SEMA3A: variants seen among roughly 807,000 people sequenced by gnomAD.
The protein encoded by SEMA3A is semaphorin-3A.
In SEMA3A, 29 loss-of-function variants were observed where a neutral mutation model predicts 97.9. That is an observed-to-expected ratio of 0.30 (90% CI 0.22 to 0.40). The LOEUF (loss-of-function observed/expected upper bound fraction) is 0.40. Among genes scored for constraint, SEMA3A ranks in the 10% least tolerant of loss-of-function variants. The probability of loss-of-function intolerance (pLI) is 1.00; values close to 1 mark genes in which losing one functional copy is unlikely to be tolerated. For synonymous variants in SEMA3A, 321 were observed against 323.7 expected (o/e 0.99, Z 0.09); for missense variants, 763 against 951.3 (o/e 0.80, Z 2.60).
Position 83,988,939 on chromosome 7 carries a change from G to T in SEMA3A, c.1453-3462C>A, listed in dbSNP as rs545337363. On this transcript the variant is annotated intron_variant, in intron 12 of 16. Transcript: ENST00000265362. ...GTGGTGCGATCTCGGCTCACTGCAG[G>T]ATCCGCACCCCCCCGATATTCAGCT... Among the ~76,000 whole-genome samples, 8 of 149,660 alleles carry T rather than the reference G, an allele frequency of 5.3e-5. No individual in the cohort carries two copies. The South Asian group carries it at 1.5e-3, about 28-fold the overall frequency.
chr7:84,047,547 C>G (rs1792402805), intron 5 of SEMA3A, among the ~76,000 whole-genome samples: 1 of 151,932 alleles, frequency 6.6e-6, no homozygotes, highest in East Asian at 1.9e-4. Flanking sequence ...GTAAAAATTA[C>G]TCTTTCTTTC....
chr7:84,005,244 G>A (rs1021807018), intron 11 of SEMA3A, 95 bp downstream of exon 11: 20 of 876,468 alleles, frequency 2.3e-5, no homozygotes, highest in Non-Finnish European at 3.6e-5. Flanking sequence ...TGCACAGAGG[G>A]TTGGCATCCC....
Position 83,961,212 on chromosome 7 carries a change from C to A in SEMA3A, c.*159G>T, listed in dbSNP as rs1424301158. 1.5e-6 allele frequency: 1 copy of A among 648,586 alleles called. No individual in the cohort carries two copies. The highest frequency in any genetic ancestry group is 1.8e-5 in the African/African-American group (1 of 54,710). 40.2% of individuals were successfully genotyped at this position (648,586 alleles called of 1,614,324 possible). A position where few individuals can be genotyped will look rare whatever the true frequency, so the allele number is the denominator to read the frequency against. ...AAAAAAGCCTATTAGGAAAGTTACT[C>A]ATGGATTTAATTTATAATTGGTGGA... On this transcript the variant is annotated 3_prime_UTR_variant, in exon 17 of 17. Coordinates refer to ENST00000265362, the MANE Select transcript of SEMA3A (RefSeq NM_006080.3).
chr7:84,233,812 T>G (rs1190945455), intron 3 of SEMA3A, among the ~76,000 whole-genome samples: 1 of 152,000 alleles, frequency 6.6e-6, no homozygotes, highest in South Asian at 2.1e-4. Flanking sequence ...AAACTATGTC[T>G]GGCAAATTTT....
At chr7:84,424,709 T>G (rs1360517295) in intron 1 of SEMA3A, among the ~76,000 whole-genome samples, 1 of 56,416 alleles carries the variant, frequency 1.8e-5, no homozygotes, top group East Asian at 3.7e-3. Flanking sequence ...TATCAATATA[T>G]AATATATAAA....
chr7:84,306,740 T>G (rs1299725486), intron 3 of SEMA3A: 1 of 152,144 alleles, frequency 6.6e-6, no homozygotes, highest in East Asian at 1.9e-4. Context: ...GTGTAACACA[T>G]TATAAACTGA....
At chr7:84,428,866 G>T (rs1180999444) in intron 1 of SEMA3A, among the ~76,000 whole-genome samples, 3 of 152,062 alleles carry the variant, frequency 2.0e-5, no homozygotes, top group African/African-American at 7.2e-5. Flanking sequence ...TAGAATGTAA[G>T]TTATTTAATG....
intron 2 of SEMA3A, among the ~76,000 whole-genome samples, chr7:84,331,654 A>T (rs1584245019): frequency 6.6e-6 from 1 of 152,076 alleles, no homozygotes; most frequent in African/African-American, 2.4e-5. Flanking sequence ...AAAGAAGGAA[A>T]CCAGCCAAGA....
intron 1 of SEMA3A, among the ~76,000 whole-genome samples, chr7:84,442,316 C>A (rs1263390992): frequency 1.3e-5 from 2 of 151,892 alleles, no homozygotes; most frequent in African/African-American, 4.8e-5. Context: ...TTTTTAACAT[C>A]CAAAACTAAA....
chr7:84,280,279 A>T (rs2115739179), intron 3 of SEMA3A, among the ~76,000 whole-genome samples: 1 of 152,258 alleles, frequency 6.6e-6, no homozygotes, highest in Middle Eastern at 3.4e-3. Context: ...TGTCCACAGC[A>T]TGCTTTATAT....
chr7:84,386,817 T>C (rs780511846), intron 1 of SEMA3A, among the ~76,000 whole-genome samples: 17 of 152,004 alleles, frequency 1.1e-4, no homozygotes, highest in Non-Finnish European at 2.1e-4. Flanking sequence ...CTGGCCAACA[T>C]GGCGAAACCC....
At chr7:84,171,889 A>C (rs1416861870) in intron 1 of SEMA3A, among the ~76,000 whole-genome samples, 1 of 152,194 alleles carries the variant, frequency 6.6e-6, no homozygotes, top group African/African-American at 2.4e-5. Flanking sequence ...TGTCATGAGA[A>C]TAACAATTCA....
chr7:84,361,240 T>C (rs867671272), intron 2 of SEMA3A, among the ~76,000 whole-genome samples: 26 of 152,168 alleles, frequency 1.7e-4, no homozygotes, highest in Middle Eastern at 6.8e-3. Flanking sequence ...ACCAGGAACA[T>C]GTTCTCATGA....
Position 84,053,345 on chromosome 7 carries a change from C to G in SEMA3A, c.548-6902G>C, listed in dbSNP as rs536029276. On this transcript the variant is annotated intron_variant, in intron 5 of 16. Transcript: ENST00000265362. The stretch of plus-strand genomic sequence containing the variant: ...TCTCCCATTATTAATGTGTGGGAGT[C>G]TAAGTCTCTTTGTAGGTCACTCAGG... Among the ~76,000 whole-genome samples, 977 of 104,452 alleles carry G rather than the reference C, an allele frequency of 9.4e-3. 13 individuals are homozygous for G. Among genetic ancestry groups the G allele is most frequent in the African/African-American group, 0.028 (947 of 34,316 alleles). 68.5% of individuals were successfully genotyped at this position (104,452 alleles called of 152,430 possible). A position where few individuals can be genotyped will look rare whatever the true frequency, so the allele number is the denominator to read the frequency against.
chr7:84,466,331 C>T, intron 1 of SEMA3A, among the ~76,000 whole-genome samples: 1 of 151,924 alleles, frequency 6.6e-6, no homozygotes, highest in East Asian at 1.9e-4. Context: ...TGCCACCACA[C>T]CCGGCTAATT....
chr7:84,048,546 A>G (rs1477902583), intron 5 of SEMA3A, among the ~76,000 whole-genome samples: 1 of 152,000 alleles, frequency 6.6e-6, no homozygotes, highest in African/African-American at 2.4e-5. Flanking sequence ...TTGTCAAAAC[A>G]TCATGCAAAT....
chr7:84,002,567 A>AGAG (rs2116389564), intron 11 of SEMA3A, among the ~76,000 whole-genome samples: 1 of 152,338 alleles, frequency 6.6e-6, no homozygotes, highest in South Asian at 2.1e-4. Context: ...TCAGAGCTTC[A>AGAG]GAGTCCTGGC....
chr7:84,467,243 C>T (rs1461022411), intron 1 of SEMA3A, among the ~76,000 whole-genome samples: 1 of 152,040 alleles, frequency 6.6e-6, no homozygotes, highest in Admixed American at 6.6e-5. Context: ...AATTCCAGGG[C>T]CGGGCGCAGT....
intron 3 of SEMA3A, 90 bp downstream of exon 3, chr7:84,129,033 A>C (rs1277581294): frequency 1.9e-5 from 20 of 1,027,170 alleles, no homozygotes; most frequent in Admixed American, 8.9e-5. Context: ...CACACACACA[A>C]AAAAATCAGA....
Sources: allele counts gnomAD v4.1 joint callset (sites outside exome capture counted in the v4.1 genomes callset), GRCh38; gene constraint gnomAD v4.1.1; transcripts MANE v1.5; gene names NCBI Gene and HGNC (gene_info 2026-07-23, HGNC 2026-07-21).